Variants in LEKR1 observed in about 807,000 individuals in gnomAD.
LEKR1 encodes protein LEKR1.
In LEKR1, 59 loss-of-function variants were observed where a neutral mutation model predicts 72.4. The ratio of observed to expected loss-of-function variants is 0.82; its 90% CI spans 0.66 to 1.01. The LOEUF is 1.01. Ranked by LOEUF, LEKR1 falls within the 50% of genes least tolerant of loss-of-function variation. The pLI is 0.00. For missense variants in LEKR1, 728 were observed against 759.2 expected, an observed-to-expected ratio of 0.96 and a Z score of 0.48; for synonymous variants, 257 against 263.2, an observed-to-expected ratio of 0.98 and a Z score of 0.23.
At chr3:156,923,343 C>T (rs1724391607) in intron 4 of LEKR1, among the ~76,000 whole-genome samples, 1 of 152,190 alleles carries the variant, frequency 6.6e-6, no homozygotes, top group Admixed American at 6.5e-5. Context: ...AATCTCTGTG[C>T]TCACCTTCAG....
chr3:156,828,955 C>T (rs906251707), intron 1 of LEKR1, among the ~76,000 whole-genome samples: 2 of 152,196 alleles, frequency 1.3e-5, no homozygotes, highest in African/African-American at 2.4e-5. Context: ...TTAAAATACA[C>T]TGAAATGTGT....
At chr3:156,985,629 C>T (rs1730605608) in intron 7 of LEKR1, among the ~76,000 whole-genome samples, 2 of 151,906 alleles carry the variant, frequency 1.3e-5, no homozygotes, top group South Asian at 2.1e-4. Flanking sequence ...CCCTTTAGGC[C>T]AGGAGTATGA....
intron 6 of LEKR1, among the ~76,000 whole-genome samples, chr3:156,971,757 C>A (rs1347650566): frequency 1.3e-5 from 2 of 152,050 alleles, no homozygotes; most frequent in Admixed American, 6.6e-5. Context: ...TCATCACTGG[C>A]CATCAGAGAA....
At chr3:157,001,220 A>G (rs1731988849) in intron 9 of LEKR1, among the ~76,000 whole-genome samples, 1 of 152,236 alleles carries the variant, frequency 6.6e-6, no homozygotes, top group Non-Finnish European at 1.5e-5. Flanking sequence ...ATTGAAAACA[A>G]TAAATTTTAT....
intron 3 of LEKR1, among the ~76,000 whole-genome samples, chr3:156,854,346 A>G (rs1326473065): frequency 6.6e-6 from 1 of 151,404 alleles, no homozygotes; most frequent in Non-Finnish European, 1.5e-5. Flanking sequence ...GGGTTTCACC[A>G]TGTTGGCCAG....
chr3:156,843,484 A>AG (rs1371088005), intron 2 of LEKR1, among the ~76,000 whole-genome samples: 2 of 152,254 alleles, frequency 1.3e-5, no homozygotes, highest in East Asian at 3.9e-4. Context: ...GTAAAAAAAA[A>AG]GAGACCAGAG....
At chr3:157,000,510 A>C (rs886961261) in intron 9 of LEKR1, among the ~76,000 whole-genome samples, 4 of 152,146 alleles carry the variant, frequency 2.6e-5, no homozygotes, top group Non-Finnish European at 4.4e-5. Flanking sequence ...TCTTTTCCCT[A>C]TCTGTAACGT....
At chr3:156,872,231 T>A (rs1718038997) in intron 3 of LEKR1, among the ~76,000 whole-genome samples, 1 of 151,926 alleles carries the variant, frequency 6.6e-6, no homozygotes, top group Non-Finnish European at 1.5e-5. Context: ...TGTTGGTGTT[T>A]ATAGTTGTTT....
chr3:157,016,105 G>T (rs973054136), intron 10 of LEKR1, among the ~76,000 whole-genome samples: 2 of 151,988 alleles, frequency 1.3e-5, no homozygotes, highest in Non-Finnish European at 2.9e-5. Context: ...GATTCAAGAG[G>T]CCCAATATAT....
At chr3:156,828,464 G>T (rs1344077050) in intron 1 of LEKR1, among the ~76,000 whole-genome samples, 2 of 22,016 alleles carry the variant, frequency 9.1e-5, no homozygotes, top group Non-Finnish European at 1.2e-4. Flanking sequence ...GACTGCTCTT[G>T]TCTATGCCTT....
intron 6 of LEKR1, among the ~76,000 whole-genome samples, chr3:156,959,758 T>C (rs1479157094): frequency 1.3e-5 from 2 of 152,234 alleles, no homozygotes; most frequent in African/African-American, 2.4e-5. Context: ...ACATGAAATA[T>C]ATATTTTATA....
intron 6 of LEKR1, among the ~76,000 whole-genome samples, chr3:156,948,363 T>C (rs1388034018): frequency 6.6e-6 from 1 of 151,164 alleles, no homozygotes; most frequent in East Asian, 1.9e-4. Context: ...TCCATGCACC[T>C]CACAAAATTC....
At chr3:156,913,064 C>T (rs1723269767) in intron 3 of LEKR1, among the ~76,000 whole-genome samples, 1 of 152,078 alleles carries the variant, frequency 6.6e-6, no homozygotes, top group South Asian at 2.1e-4. Context: ...GTGTGAATCT[C>T]TACTCACTAT....
intron 4 of LEKR1, among the ~76,000 whole-genome samples, chr3:156,922,482 T>A (rs887814961): frequency 1.3e-5 from 2 of 152,184 alleles, no homozygotes; most frequent in African/African-American, 4.8e-5. Context: ...TCTTTATTTA[T>A]GGAGCCTAAA....
chr3:156,927,534 C>A lies in LEKR1; in HGVS notation c.489C>A (p.Tyr163Ter). The A allele has an allele frequency of 8.1e-7, 1 of 1,234,726 alleles. No homozygotes were observed. The highest frequency in any genetic ancestry group is 1.0e-6 in the Non-Finnish European group (1 of 964,230). 76.5% of individuals were successfully genotyped at this position (1,234,726 alleles called of 1,614,324 possible). A position where few individuals can be genotyped will look rare whatever the true frequency, so the allele number is the denominator to read the frequency against. ...TSIKNEVYDN[Y>*]QNWTSLKGAV... ...TTAAAAATGAAGTATATGATAATTA[C>A]CAAAACTGGACTTCATTGAAAGGAG... Residue 163 changes from tyrosine to a stop codon, truncating the protein, a stop_gained, in exon 5 of 13, where the codon TAC becomes TAA. Transcript: ENST00000356539. LOFTEE classifies it high-confidence loss of function.
At chr3:156,838,453 C>G (rs1713449095) in intron 2 of LEKR1, among the ~76,000 whole-genome samples, 1 of 152,174 alleles carries the variant, frequency 6.6e-6, no homozygotes, top group Non-Finnish European at 1.5e-5. Flanking sequence ...GGAGACATCT[C>G]CCCAAACCCA....
intron 6 of LEKR1, among the ~76,000 whole-genome samples, chr3:156,976,269 C>G (rs1417338033): frequency 2.6e-5 from 4 of 152,116 alleles, no homozygotes; most frequent in Non-Finnish European, 5.9e-5. Flanking sequence ...AATTACATAT[C>G]AAGTACCAGT....
chr3:156,837,499 C>G (rs1039148116), intron 2 of LEKR1, among the ~76,000 whole-genome samples: 2 of 152,200 alleles, frequency 1.3e-5, no homozygotes, highest in Non-Finnish European at 2.9e-5. Context: ...GTTTTTGTTT[C>G]AGGGACGTGC....
At chr3:156,932,469 A>G (rs1239584226) in intron 5 of LEKR1, among the ~76,000 whole-genome samples, 4 of 152,088 alleles carry the variant, frequency 2.6e-5, no homozygotes, top group Non-Finnish European at 5.9e-5. Context: ...GCCTAGCACT[A>G]TGGGAGACTG....
Sources: gnomAD v4.1 joint callset for allele counts (sites outside exome capture counted in the v4.1 genomes callset) on GRCh38, gnomAD v4.1.1 for gene constraint, MANE v1.5 for transcripts, NCBI Gene and HGNC (gene_info 2026-07-23, HGNC 2026-07-21) for gene names.